SLC39A14: variants seen among roughly 807,000 people sequenced by gnomAD.
SLC39A14 encodes the protein metal cation symporter ZIP14.
In SLC39A14, 19 loss-of-function variants were observed where a neutral mutation model predicts 45.5. The ratio of observed to expected loss-of-function variants is 0.42; its 90% confidence interval spans 0.29 to 0.61. The LOEUF (loss-of-function observed/expected upper bound fraction) is 0.61. Among genes scored for constraint, SLC39A14 ranks in the 20% least tolerant of loss-of-function variants. The pLI, the probability that SLC39A14 is intolerant of heterozygous loss-of-function variation, is 0.22. For missense variants in SLC39A14, 447 were observed against 616.5 expected (o/e 0.73, Z 2.91); for synonymous variants, 264 against 251.3 (o/e 1.05, Z -0.48).
intron 3 of SLC39A14, 196 bp from the exon 4 acceptor site, chr8:22,411,841 A>C: frequency 1.8e-6 from 1 of 564,572 alleles, no homozygotes; most frequent in South Asian, 2.4e-5. Flanking sequence ...TCACTAACAA[A>C]TTTTCTATTT....
chr8:22,432,976 T>A (rs917212397), intron 8 of SLC39A14, among the ~76,000 whole-genome samples: 48 of 151,834 alleles, frequency 3.2e-4, no homozygotes, highest in African/African-American at 9.9e-4. Flanking sequence ...TTAAAAAAAA[T>A]TTTTGGTAAA....
intron 3 of SLC39A14, chr8:22,409,877 C>G: frequency 6.5e-7 from 1 of 1,549,438 alleles, no homozygotes; most frequent in Middle Eastern, 2.2e-4. Flanking sequence ...AGAACAGGGC[C>G]GCCCCAGGCA....
chr8:22,375,636 T>C (rs777334771), intron 1 of SLC39A14, among the ~76,000 whole-genome samples: 1 of 152,054 alleles, frequency 6.6e-6, no homozygotes, highest in Non-Finnish European at 1.5e-5. Context: ...ATTACAGGCA[T>C]GCACCACCAT....
intron 3 of SLC39A14, among the ~76,000 whole-genome samples, chr8:22,411,398 G>C (rs151039561): frequency 1.2e-3 from 177 of 152,358 alleles, no homozygotes; most frequent in African/African-American, 3.9e-3. Flanking sequence ...AAGAAGTTGA[G>C]AGGTTAAGAC....
At chr8:22,434,042 GTA>G (rs1210179852) in exon 9 of SLC39A14, 1 of 251,070 alleles carries the variant, frequency 4.0e-6, no homozygotes, top group Non-Finnish European at 8.4e-6. Flanking sequence ...GGACAATACT[GTA>G]TATATATGGT....
At chr8:22,381,272 C>T (rs1355616722) in intron 1 of SLC39A14, among the ~76,000 whole-genome samples, 2 of 151,212 alleles carry the variant, frequency 1.3e-5, no homozygotes, top group Non-Finnish European at 3.0e-5. Context: ...GCGCCCAGCC[C>T]TACTCTTTTT....
rs1226047838 is a variant in SLC39A14 at position 22,404,736 on chromosome 8, C to T, written c.26C>T (p.Ala9Val). ...ATGAAGCTGCTGCTGCTGCACCCGG[C>T]CTTCCAGAGCTGCCTCCTGCTGACC... MKLLLLHP[A>V]FQSCLLLTLL... Residue 9 changes from alanine to valine, a missense_variant, in exon 2 of 9, where the codon GCC becomes GTC. Ala to Val is a moderately conservative substitution (Grantham distance 64, BLOSUM62 0). Around this residue, in one of 2 missense-constraint regions of SLC39A14, gnomAD observed 342 missense variants for 428.1 expected, o/e 0.80. Transcript: ENST00000381237. 7.4e-6 allele frequency: 12 copies of T among 1,613,570 alleles called. No homozygotes were observed. Among genetic ancestry groups the T allele is most frequent in the Non-Finnish European group, 1.0e-5 (12 of 1,179,984 alleles).
chr8:22,376,334 ATTT>A (rs778041310), intron 1 of SLC39A14, among the ~76,000 whole-genome samples: 1 of 122,424 alleles, frequency 8.2e-6, no homozygotes, highest in Non-Finnish European at 1.7e-5. Flanking sequence ...ACCACACCTA[ATTT>A]TTTTTTTTTT....
exon 9 of SLC39A14, chr8:22,433,973 G>A (rs1025723464): frequency 6.0e-5 from 26 of 435,340 alleles, no homozygotes; most frequent in African/African-American, 1.0e-4. Context: ...GGGTTGAAGC[G>A]ATTATCCTGT....
intron 5 of SLC39A14, 58 bp from the exon 6 acceptor site, chr8:22,415,711 C>T (rs1052013562): frequency 2.0e-6 from 3 of 1,528,874 alleles, no homozygotes; most frequent in Non-Finnish European, 2.7e-6. Context: ...AGCAGGTGCT[C>T]AATCAGGTTT....
At chr8:22,405,768 A>C (rs1835176620) in intron 2 of SLC39A14, among the ~76,000 whole-genome samples, 4 of 152,130 alleles carry the variant, frequency 2.6e-5, no homozygotes, top group Admixed American at 1.3e-4. Flanking sequence ...CCCTGCAGAG[A>C]CCAGGGCTGG....
chr8:22,425,852 G>A (rs947724117), downstream of SLC39A14, among the ~76,000 whole-genome samples: 4 of 150,290 alleles, frequency 2.7e-5, no homozygotes, highest in Non-Finnish European at 5.9e-5. Context: ...GCAATCATAA[G>A]CCAAGAAGTT....
At chr8:22,379,274 A>G (rs1364792155) in intron 1 of SLC39A14, among the ~76,000 whole-genome samples, 1 of 152,198 alleles carries the variant, frequency 6.6e-6, no homozygotes, top group Non-Finnish European at 1.5e-5. Context: ...CAAAGTCTCT[A>G]TTTCCAAATA....
chr8:22,371,512 C>A (rs1270478580), intron 1 of SLC39A14, among the ~76,000 whole-genome samples: 3 of 144,812 alleles, frequency 2.1e-5, no homozygotes, highest in Non-Finnish European at 4.5e-5. Flanking sequence ...CGGCTCACTG[C>A]AACCTCTGCC....
Position 22,420,525 on chromosome 8 carries a change from A to C in SLC39A14, c.*827A>C. On this transcript the variant is annotated 3_prime_UTR_variant, in exon 9 of 9. Transcript: ENST00000381237. ...CTGTGATTTTGACCTCCTCTTCCCCACTGCCATCTTCTAAGAGACTTTGTA... is the reference window on the plus strand; with the variant it reads ...CTGTGATTTTGACCTCCTCTTCCCCCCTGCCATCTTCTAAGAGACTTTGTA... 1.0e-6 allele frequency: 1 copy of C among 985,406 alleles called. No homozygotes were observed. The highest frequency in any genetic ancestry group is 4.7e-5 in the South Asian group (1 of 21,278). The allele number at this position is 985,406 out of a possible 1,614,324, so 61.0% of individuals were successfully genotyped here.
rs994438088 is a variant in SLC39A14 at position 22,421,195 on chromosome 8, C to A, written c.*1497C>A. 51 of 985,718 alleles carry A rather than the reference C, an allele frequency of 5.2e-5. No individual in the cohort carries two copies. The highest frequency in any genetic ancestry group is 6.0e-5 in the Non-Finnish European group (50 of 829,940). 61.1% of individuals were successfully genotyped at this position (985,718 alleles called of 1,614,324 possible). On this transcript the variant is annotated 3_prime_UTR_variant, in exon 9 of 9. Transcript: ENST00000381237. ...CAGGGGCCATGTTTGCAAACTGATT[C>A]ATGTGCATGGCTGACAGGAGTACTG...
rs1835360840 is a variant in SLC39A14 at position 22,408,477 on chromosome 8, G to A, written c.438G>A (p.Gly146=). The A allele has an allele frequency of 6.2e-7, 1 of 1,613,630 alleles. No homozygotes were observed. Among genetic ancestry groups the A allele is most frequent in the Non-Finnish European group, 8.5e-7 (1 of 1,179,796 alleles). The change falls in exon 3 of 9, where the codon GGG becomes GGA. Residue 146 remains glycine, a synonymous_variant. Transcript: ENST00000381237. ...ENEENEQTEE[G]RPSAVEVWGY... is the part of the protein sequence containing the mutation. ...AGGAGAATGAGCAGACGGAGGAGGG[G>A]CGGCCAAGCGCTGTTGAAGGTGAGC...
chr8:22,427,152 T>C (rs1435307216), downstream of SLC39A14, among the ~76,000 whole-genome samples: 11 of 151,836 alleles, frequency 7.2e-5, no homozygotes, highest in East Asian at 1.8e-3. Flanking sequence ...ATTAGCCGGG[T>C]GTGGTGGCAC....
chr8:22,390,553 G>A (rs774010110), intron 1 of SLC39A14: 27 of 153,278 alleles, frequency 1.8e-4, no homozygotes, highest in South Asian at 3.9e-4. Context: ...TGCCCACCTC[G>A]GCCTCCCAAA....
Sources: allele counts gnomAD v4.1 joint callset (sites outside exome capture counted in the v4.1 genomes callset), GRCh38; gene constraint gnomAD v4.1.1; regional missense constraint gnomAD v4.1.1; transcripts MANE v1.5; gene names NCBI Gene and HGNC (gene_info 2026-07-23, HGNC 2026-07-21).